Variants in AUTS2 observed in about 807,000 individuals in gnomAD.
AUTS2 encodes the protein activator of transcription and developmental regulator AUTS2, also known as autism susceptibility gene 2 protein.
A neutral mutation model predicts 112.4 loss-of-function variants in AUTS2; 17 were observed. The ratio of observed to expected loss-of-function variants is 0.15; its 90% CI spans 0.10 to 0.23. AUTS2 has a LOEUF of 0.23. AUTS2 is among the 10% of genes least tolerant of loss of function. The pLI, the probability that AUTS2 is intolerant of heterozygous loss-of-function variation, is 1.00. For synonymous variants in AUTS2, 751 were observed against 702.7 expected (o/e 1.07, Z -1.09); for missense variants, 1,510 against 1,701.6 (o/e 0.89, Z 1.98).
rs191522959 is a variant in AUTS2 at position 69,937,731 on chromosome 7, G to A, written c.522+38233G>A. On this transcript the variant is annotated intron_variant, in intron 2 of 18. Coordinates refer to ENST00000342771, the MANE Select transcript of AUTS2 (RefSeq NM_015570.4). ...GTAACAATGTTTCCCCTCAGGAAAT[G>A]TCTTTACCTCTCTGAAGAGAAGACC... Among the ~76,000 whole-genome samples, 308 of 152,268 alleles carry A rather than the reference G, an allele frequency of 2.0e-3. 8 individuals are homozygous for A. The highest frequency in any genetic ancestry group is 8.5e-4 in the Non-Finnish European group (58 of 68,010).
intron 2 of AUTS2, among the ~76,000 whole-genome samples, chr7:70,078,168 C>G (rs538705803): frequency 3.4e-4 from 52 of 152,100 alleles, no homozygotes; most frequent in African/African-American, 1.2e-3. Context: ...TTGGTATGTT[C>G]CAAGACACCC....
intron 1 of AUTS2, among the ~76,000 whole-genome samples, chr7:69,717,718 G>A (rs1798691522): frequency 6.6e-6 from 1 of 152,170 alleles, no homozygotes; most frequent in Non-Finnish European, 1.5e-5. Context: ...ATTTTCTGGA[G>A]TGTTTCCTTA....
intron 5 of AUTS2, among the ~76,000 whole-genome samples, chr7:70,508,358 T>C (rs1799053981): frequency 1.3e-5 from 2 of 152,180 alleles, no homozygotes; most frequent in Non-Finnish European, 2.9e-5. Flanking sequence ...TGTGGCTTTT[T>C]TTCAGAAATG....
At chr7:69,733,156 A>G (rs1786874958) in intron 1 of AUTS2, among the ~76,000 whole-genome samples, 1 of 152,114 alleles carries the variant, frequency 6.6e-6, no homozygotes, top group African/African-American at 2.4e-5. Flanking sequence ...GTGATGTGTC[A>G]TTTCTCTCCT....
intron 5 of AUTS2, among the ~76,000 whole-genome samples, chr7:70,506,054 A>C (rs1798947496): frequency 6.6e-6 from 1 of 152,186 alleles, no homozygotes; most frequent in African/African-American, 2.4e-5. Context: ...CATCTCAGGC[A>C]CAGAGCACTG....
chr7:69,861,170 G>C (rs1245967035), intron 1 of AUTS2, among the ~76,000 whole-genome samples: 4 of 152,150 alleles, frequency 2.6e-5, no homozygotes, highest in Admixed American at 6.5e-5. Flanking sequence ...TTTGTAGGAG[G>C]GGGTGGGAAG....
In AUTS2 at chr7:70,591,108, T is replaced by A. The variant is rs184719228; in HGVS notation, c.691-107461T>A. 2.4e-3 allele frequency among the ~76,000 whole-genome samples: 369 copies of A among 152,254 alleles called. 6 individuals carry two copies. Among genetic ancestry groups the A allele is most frequent in the Non-Finnish European group, 5.4e-4 (37 of 68,010 alleles). ...TCCTGGCCTGCCTTTGTGTGTGACT[T>A]GAGTAAGGCTCAGGAAGAGAGGCTG... is the stretch of plus-strand genomic sequence containing the variant. On this transcript the variant is annotated intron_variant, in intron 5 of 18. Transcript: ENST00000342771.
At chr7:70,490,424 G>A (rs141863191) in intron 5 of AUTS2, among the ~76,000 whole-genome samples, 2 of 152,070 alleles carry the variant, frequency 1.3e-5, no homozygotes, top group East Asian at 3.9e-4. Flanking sequence ...TGCTAGTTCT[G>A]TGTGGGTTTG....
intron 4 of AUTS2, among the ~76,000 whole-genome samples, chr7:70,242,361 C>T (rs956748196): frequency 6.6e-6 from 1 of 152,174 alleles, no homozygotes; most frequent in Non-Finnish European, 1.5e-5. Flanking sequence ...CCTCTCAGTT[C>T]ATCTTTGGCT....
chr7:70,059,126 C>T (rs751589469), intron 2 of AUTS2, among the ~76,000 whole-genome samples: 8 of 152,200 alleles, frequency 5.3e-5, no homozygotes, highest in Non-Finnish European at 1.0e-4. Context: ...TATGGTATCA[C>T]ACAAAATAGT....
At chr7:70,120,655 G>A (rs1805634487) in intron 3 of AUTS2, among the ~76,000 whole-genome samples, 2 of 152,060 alleles carry the variant, frequency 1.3e-5, no homozygotes, top group Admixed American at 1.3e-4. Context: ...GACTAGAGCT[G>A]CCATTGGATC....
At chr7:70,633,813 C>T (rs1277298982) in intron 5 of AUTS2, among the ~76,000 whole-genome samples, 1 of 152,168 alleles carries the variant, frequency 6.6e-6, no homozygotes, top group South Asian at 2.1e-4. Flanking sequence ...AATACACTTT[C>T]CTAAATTTTA....
At chr7:70,089,865 G>T (rs866230646) in intron 2 of AUTS2, among the ~76,000 whole-genome samples, 14 of 152,112 alleles carry the variant, frequency 9.2e-5, no homozygotes, top group Middle Eastern at 3.4e-3. Context: ...AAATTAGCTG[G>T]ATGTGGTGGT....
At chr7:69,872,247 A>T (rs1298287986) in intron 1 of AUTS2, among the ~76,000 whole-genome samples, 1 of 152,228 alleles carries the variant, frequency 6.6e-6, no homozygotes, top group African/African-American at 2.4e-5. Flanking sequence ...GTGTTTTCAC[A>T]CTGAGGAAAG....
At chr7:69,640,968 G>A in intron 1 of AUTS2, among the ~76,000 whole-genome samples, 1 of 152,230 alleles carries the variant, frequency 6.6e-6, no homozygotes, top group East Asian at 1.9e-4. Context: ...ACAGATACAA[G>A]GTTGGGTGGT....
intron 5 of AUTS2, among the ~76,000 whole-genome samples, chr7:70,490,470 A>G (rs1356069438): frequency 1.3e-5 from 2 of 151,890 alleles, no homozygotes; most frequent in Non-Finnish European, 2.9e-5. Flanking sequence ...AGCAGGCAGG[A>G]GCTGAAAAGA....
chr7:70,683,797 AC>A (rs769210318), intron 5 of AUTS2, among the ~76,000 whole-genome samples: 5 of 152,224 alleles, frequency 3.3e-5, no homozygotes, highest in Non-Finnish European at 7.3e-5. Flanking sequence ...GTAACAGTTA[AC>A]CATCTACAAA....
intron 4 of AUTS2, among the ~76,000 whole-genome samples, chr7:70,153,658 T>A (rs1376652208): frequency 6.6e-6 from 1 of 152,266 alleles, no homozygotes; most frequent in East Asian, 1.9e-4. Context: ...CTGAGATGTC[T>A]GCCTCTTTTC....
At chr7:70,538,330 C>T (rs1439559577) in intron 5 of AUTS2, among the ~76,000 whole-genome samples, 1 of 152,128 alleles carries the variant, frequency 6.6e-6, no homozygotes, top group Non-Finnish European at 1.5e-5. Context: ...GAGTTCAAGA[C>T]CAGCCTGGCC....
Sources: gnomAD v4.1 joint callset for allele counts (sites outside exome capture counted in the v4.1 genomes callset) on GRCh38, gnomAD v4.1.1 for gene constraint, MANE v1.5 for transcripts, NCBI Gene and HGNC (gene_info 2026-07-23, HGNC 2026-07-21) for gene names.